Variants in GRIN3B observed in about 807,000 individuals in gnomAD.
GRIN3B encodes glutamate receptor ionotropic, NMDA 3B.
A neutral mutation model predicts 66.0 loss-of-function variants in GRIN3B; 77 were observed. The ratio of observed to expected loss-of-function variants is 1.17; its 90% CI spans 0.97 to 1.41. The LOEUF (loss-of-function observed/expected upper bound fraction) is 1.41. Ranked by LOEUF, GRIN3B falls within the 40% of genes most tolerant of loss-of-function variation. The probability of loss-of-function intolerance (pLI) is 0.00; values close to 1 mark genes in which losing one functional copy is unlikely to be tolerated. For missense variants in GRIN3B, 1,787 were observed against 1,564.5 expected, an observed-to-expected ratio of 1.14 and a Z score of -2.40; for synonymous variants, 823 against 749.7, an observed-to-expected ratio of 1.10 and a Z score of -1.60.
chr19:1,007,164 C>T lies in GRIN3B; in HGVS notation c.2053-464C>T, dbSNP rs1486204751. ...GTTCCCTGTGTTGCAGGTGGCGCCC[C>T]CCAGGGTTTTCGGGAGAAACAGGGT... On this transcript the variant is annotated intron_variant, in intron 3 of 8. Coordinates refer to ENST00000234389, the MANE Select transcript of GRIN3B (RefSeq NM_138690.3). The surrounding 1 kb of genome is among the most constrained non-coding windows in gnomAD (Gnocchi z 4.4). Among the ~76,000 whole-genome samples, 4 of 152,058 alleles carry T rather than the reference C, an allele frequency of 2.6e-5. No homozygotes were observed. Among genetic ancestry groups the T allele is most frequent in the Non-Finnish European group, 5.9e-5 (4 of 67,990 alleles).
At chr19:1,002,379 A>G (rs1252977816) in intron 1 of GRIN3B, among the ~76,000 whole-genome samples, 3 of 150,768 alleles carry the variant, frequency 2.0e-5, no homozygotes, top group African/African-American at 7.3e-5. Flanking sequence ...AAAAAAAAAA[A>G]AAAAAAGCTG....
intron 1 of GRIN3B, chr19:1,002,874 CAAA>C (rs745599169): frequency 3.3e-6 from 1 of 306,334 alleles, no homozygotes; most frequent in East Asian, 4.7e-5. Flanking sequence ...ATGGCACATG[CAAA>C]AAAAAAACAA....
At position 1,007,986 on chromosome 19, in the gene GRIN3B, G is replaced by T; in HGVS notation, c.2314+15G>T. ...CGCCATTGAGGGTGAGAGGCACCTGGGCGAGGCGGGGCGCCGGGGTCTCTG... is the reference window on the plus strand; with the variant it reads ...CGCCATTGAGGGTGAGAGGCACCTGTGCGAGGCGGGGCGCCGGGGTCTCTG... On this transcript the variant is annotated intron_variant, in intron 5 of 8. Coordinates refer to ENST00000234389, the MANE Select transcript of GRIN3B (RefSeq NM_138690.3). This position sits in a 1 kb window ranked among gnomAD's most constrained non-coding sequence, Gnocchi z 4.4. The T allele has an allele frequency of 6.2e-7, 1 of 1,608,990 alleles. No individual in the cohort carries two copies.
In GRIN3B at chr19:1,005,280, C is replaced by T. The variant is rs746618362; in HGVS notation, c.1779C>T (p.Thr593=). 105 of 1,613,474 alleles carry T rather than the reference C, an allele frequency of 6.5e-5. No homozygotes were observed. The highest frequency in any genetic ancestry group is 7.7e-5 in the Non-Finnish European group (91 of 1,180,000). ...TGCACCTCACCGCGCTCTTCCTCACCGTGTACGAGTGGCGTAGCCCCTACG... is the reference window on the plus strand; with the variant it reads ...TGCACCTCACCGCGCTCTTCCTCACTGTGTACGAGTGGCGTAGCCCCTACG... ...AALHLTALFL[T]VYEWRSPYGL... Residue 593 remains threonine, a synonymous_variant, in exon 3 of 9, where the codon ACC becomes ACT. Coordinates refer to ENST00000234389, the MANE Select transcript of GRIN3B (RefSeq NM_138690.3). This position sits in a 1 kb window ranked among gnomAD's most constrained non-coding sequence, Gnocchi z 5.2.
rs939495536 is a variant in GRIN3B at position 1,000,696 on chromosome 19, C to A, written c.259C>A (p.Leu87Met). The part of the protein sequence containing the change: ...AAPPARDPAS[L>M]TRGLCQALVP... ...GCCCCCCGCCCGCGACCCCGCCTCG[C>A]TGACCCGCGGCCTGTGCCAGGCGCT... Residue 87 changes from leucine to methionine, a missense_variant, in exon 1 of 9, where the codon CTG becomes ATG. Leu to Met is a conservative substitution (Grantham distance 15, BLOSUM62 2). Coordinates refer to ENST00000234389, the MANE Select transcript of GRIN3B (RefSeq NM_138690.3). The A allele has an allele frequency of 2.7e-5, 37 of 1,380,818 alleles. No individual in the cohort carries two copies. The African/African-American group carries it at 5.3e-4, about 20-fold the overall frequency. The allele number at this position is 1,380,818 out of a possible 1,614,324, so 85.5% of individuals were successfully genotyped here.
Position 1,008,200 on chromosome 19 carries a change from GC to G in GRIN3B, c.2377del (p.Arg793AlafsTer34). On this transcript the variant is annotated frameshift_variant, in exon 6 of 9. Transcript: ENST00000234389. LOFTEE classifies it high-confidence loss of function. ...PLTSNLSEFI[S>X]RYKSSGFIDL... The stretch of plus-strand genomic sequence containing the variant: ...ACCTCCAACCTGTCCGAGTTCATCA[GC>G]CGCTACAAGTCCTCCGGCTTCATCG... 1.2e-6 allele frequency: 2 copies of G among 1,611,860 alleles called. No individual in the cohort carries two copies. The highest frequency in any genetic ancestry group is 2.7e-5 in the African/African-American group (2 of 75,014).
chr19:1,007,909 A>G lies in GRIN3B; in HGVS notation c.2252A>G (p.Tyr751Cys), dbSNP rs139897544. ...AFIMDKSLLD[Y>C]EVSIDADCKL... ...ATCATGGACAAGTCGCTCCTGGACTACGAGGTCTCCATCGACGCCGACTGC... is the reference window on the plus strand; with the variant it reads ...ATCATGGACAAGTCGCTCCTGGACTGCGAGGTCTCCATCGACGCCGACTGC... The change falls in exon 5 of 9, where the codon TAC (tyrosine) becomes TGC (cysteine). Residue 751 changes from tyrosine to cysteine, a missense_variant. Physicochemically the swap from Tyr to Cys is radical, Grantham distance 194 (BLOSUM62 -2). Coordinates refer to ENST00000234389, the MANE Select transcript of GRIN3B (RefSeq NM_138690.3). The surrounding 1 kb of genome is among the most constrained non-coding windows in gnomAD (Gnocchi z 4.4). The G allele has an allele frequency of 1.2e-5, 20 of 1,611,718 alleles. No homozygotes were observed. The highest frequency in any genetic ancestry group is 1.6e-4 in the Middle Eastern group (1 of 6,084).
At chr19:1,004,165 A>T (rs542544734) in intron 2 of GRIN3B, among the ~76,000 whole-genome samples, 51 of 152,372 alleles carry the variant, frequency 3.3e-4, no homozygotes, top group African/African-American at 1.1e-3. Flanking sequence ...TCTCAGGGAC[A>T]GCAGAGAACG....
chr19:1,007,808 C>T lies in GRIN3B; in HGVS notation c.2198+35C>T, dbSNP rs765733150. ...GGCGCGGGGTGAGGCGGGGGCGGGG[C>T]GTGGGGTGGGCGGGGCGATGGCTGA... On this transcript the variant is annotated intron_variant, in intron 4 of 8. Transcript: ENST00000234389. The surrounding 1 kb of genome is among the most constrained non-coding windows in gnomAD (Gnocchi z 4.4). 11 of 1,526,942 alleles carry T rather than the reference C, an allele frequency of 7.2e-6. No homozygotes were observed. The highest frequency in any genetic ancestry group is 1.4e-5 in the African/African-American group (1 of 71,652). The allele number at this position is 1,526,942 out of a possible 1,614,324, so 94.6% of individuals were successfully genotyped here.
Position 1,003,316 on chromosome 19 carries a change from C to A in GRIN3B, c.613C>A (p.Leu205Ile). 1.3e-6 allele frequency: 2 copies of A among 1,574,402 alleles called. No homozygotes were observed. Among genetic ancestry groups the A allele is most frequent in the South Asian group, 1.2e-5 (1 of 86,096 alleles). The change falls in exon 2 of 9, where the codon CTA becomes ATA. Residue 205 changes from leucine (L) to isoleucine (I), a missense_variant. Transcript: ENST00000234389. ...CCGGCCCCCACAGCTGGTCCTGGAC[C>A]TAAGCCGGCGGGACACGGGAGATGC... ...AGRPPQLVLD[L>I]SRRDTGDAGL... is the part of the protein sequence containing the mutation.
intron 2 of GRIN3B, 22 bp from the exon 3 acceptor site, chr19:1,004,499 A>T: frequency 1.3e-6 from 2 of 1,526,580 alleles, no homozygotes; most frequent in African/African-American, 1.4e-5. Context: ...GACACCTGAC[A>T]CCCCCCCCGC....
Position 1,003,561 on chromosome 19 carries a change from AC to A in GRIN3B, c.863del (p.Pro288ArgfsTer69). The A allele has an allele frequency of 6.6e-7, 1 of 1,507,802 alleles. No homozygotes were observed. 93.4% of individuals were successfully genotyped at this position (1,507,802 alleles called of 1,614,324 possible). A position where few individuals can be genotyped will look rare whatever the true frequency, so the allele number is the denominator to read the frequency against. On this transcript the variant is annotated frameshift_variant, in exon 2 of 9. Transcript: ENST00000234389. LOFTEE classifies it high-confidence loss of function. The stretch of plus-strand genomic sequence containing the variant: ...TGCTGGCGCTGGGCGAGGTGGCACG[AC>A]CCCCGCTGGAGGCCGCCATCCATGA... ...GLLALGEVAR[P>X]PLEAAIHDIV...
Position 1,009,336 on chromosome 19 carries a change from C to G in GRIN3B, c.2866C>G (p.Pro956Ala). ...PEADAEAEAA[P>A]REGPVWLCSY... ...AGCGGACGCGGAGGCGGAGGCTGCG[C>G]CGCGAGAGGGCCCCGTCTGGCTGTG... Residue 956 changes from proline (P) to alanine (A), a missense_variant, in exon 9 of 9, where the codon CCG becomes GCG. Transcript: ENST00000234389. The G allele has an allele frequency of 7.2e-7, 1 of 1,396,678 alleles. No homozygotes were observed. The highest frequency in any genetic ancestry group is 1.6e-5 in the South Asian group (1 of 64,286). The allele number at this position is 1,396,678 out of a possible 1,614,324, so 86.5% of individuals were successfully genotyped here. A position where few individuals can be genotyped will look rare whatever the true frequency, so the allele number is the denominator to read the frequency against.
Position 1,005,299 on chromosome 19 carries a change from C to T in GRIN3B, c.1798C>T (p.Pro600Ser), listed in dbSNP as rs768207134. ...LFLTVYEWRSPYGLTPRGRNR... is the reference protein window; with the variant it reads ...LFLTVYEWRSSYGLTPRGRNR... ...CCTCACCGTGTACGAGTGGCGTAGCCCCTACGGCCTCACGCCACGTGGCCG... is the reference window on the plus strand; with the variant it reads ...CCTCACCGTGTACGAGTGGCGTAGCTCCTACGGCCTCACGCCACGTGGCCG... Residue 600 changes from proline (P) to serine (S), a missense_variant, in exon 3 of 9, where the codon CCC (proline) becomes TCC (serine). Coordinates refer to ENST00000234389, the MANE Select transcript of GRIN3B (RefSeq NM_138690.3). This position sits in a 1 kb window ranked among gnomAD's most constrained non-coding sequence, Gnocchi z 5.2. 1 of 1,613,528 alleles carries T rather than the reference C, an allele frequency of 6.2e-7. No individual in the cohort carries two copies. The highest frequency in any genetic ancestry group is 8.5e-7 in the Non-Finnish European group (1 of 1,180,002).
At chr19:1,009,024 C>G in intron 8 of GRIN3B, 97 bp downstream of exon 8, 2 of 1,486,788 alleles carry the variant, frequency 1.3e-6, no homozygotes, top group Non-Finnish European at 9.1e-7. Context: ...AGGAGGTTCC[C>G]GGAGGTCCCC....
At chr19:1,008,101 T>C in intron 5 of GRIN3B, 39 bp from the exon 6 acceptor site, 10 of 1,570,320 alleles carry the variant, frequency 6.4e-6, no homozygotes, top group South Asian at 1.2e-5. Flanking sequence ...CCCCTGGGGC[T>C]GTCCCACCTG....
Position 1,007,544 on chromosome 19 carries a change from G to T in GRIN3B, c.2053-84G>T. ...TCGGCGCCCTGCAGTGCCCAGGACG[G>T]CCCCACCCCGGAGAACGGCGCGCCC... On this transcript the variant is annotated intron_variant, in intron 3 of 8. Coordinates refer to ENST00000234389, the MANE Select transcript of GRIN3B (RefSeq NM_138690.3). This position sits in a 1 kb window ranked among gnomAD's most constrained non-coding sequence, Gnocchi z 4.4. The T allele has an allele frequency of 7.4e-7, 1 of 1,344,578 alleles. No individual in the cohort carries two copies. The highest frequency in any genetic ancestry group is 1.5e-5 in the African/African-American group (1 of 64,840). The allele number at this position is 1,344,578 out of a possible 1,614,324, so 83.3% of individuals were successfully genotyped here.
rs2038762168 is a variant in GRIN3B at position 1,007,420 on chromosome 19, C to T, written c.2053-208C>T. On this transcript the variant is annotated intron_variant, in intron 3 of 8. Transcript: ENST00000234389. The surrounding 1 kb of genome is among the most constrained non-coding windows in gnomAD (Gnocchi z 4.4). ...CACCCGGGGTGATCCTGCCCCCCGC[C>T]CCAGGGGACCCTGGACAGTGTGTGT... Among the ~76,000 whole-genome samples, 1 of 151,964 alleles carries T rather than the reference C, an allele frequency of 6.6e-6. No individual in the cohort carries two copies. The highest frequency in any genetic ancestry group is 6.5e-5 in the Admixed American group (1 of 15,268).
At position 1,005,166 on chromosome 19, in the gene GRIN3B, C is replaced by T; in HGVS notation, c.1665C>T (p.Ile555=). Residue 555 remains isoleucine, a synonymous_variant, in exon 3 of 9, where the codon ATC becomes ATT. Transcript: ENST00000234389. This position sits in a 1 kb window ranked among gnomAD's most constrained non-coding sequence, Gnocchi z 5.2. The part of the protein sequence containing the change: ...TSPFFSTSLG[I]MVRARDTASP... The stretch of plus-strand genomic sequence containing the variant: ...CCTTCTTCTCCACCAGCCTGGGCAT[C>T]ATGGTGCGGGCACGGGACACGGCCT... 6.2e-7 allele frequency: 1 copy of T among 1,613,552 alleles called. No homozygotes were observed. The highest frequency in any genetic ancestry group is 8.5e-7 in the Non-Finnish European group (1 of 1,179,980).
Sources: gnomAD v4.1 joint callset for allele counts (sites outside exome capture counted in the v4.1 genomes callset) on GRCh38, gnomAD v4.1.1 for gene constraint, Gnocchi (gnomAD v3.1) non-coding constraint, MANE v1.5 for transcripts, NCBI Gene and HGNC (gene_info 2026-07-23, HGNC 2026-07-21) for gene names.